PLCB1: variants seen among roughly 807,000 people sequenced by gnomAD.
The protein encoded by PLCB1 is 1-phosphatidylinositol 4,5-bisphosphate phosphodiesterase beta-1.
A neutral mutation model predicts 161.8 loss-of-function variants in PLCB1; 46 were observed. The observed-to-expected ratio is 0.28, with a 90% CI of 0.22 to 0.36. The LOEUF (loss-of-function observed/expected upper bound fraction) is 0.36, where lower values mean the gene tolerates loss of function less well. Ranked by LOEUF, PLCB1 falls within the 10% of genes least tolerant of loss-of-function variation. PLCB1 has a pLI of 1.00. For synonymous variants in PLCB1, 517 were observed against 503.7 expected (o/e 1.03, Z -0.35); for missense variants, 1,016 against 1,472.5 (o/e 0.69, Z 5.07).
chr20:8,146,588 A>C (rs1568569403), intron 1 of PLCB1, among the ~76,000 whole-genome samples: 1 of 152,184 alleles, frequency 6.6e-6, no homozygotes, highest in Non-Finnish European at 1.5e-5. Context: ...TTTAGTATTT[A>C]TTATTGACTT....
intron 26 of PLCB1, among the ~76,000 whole-genome samples, chr20:8,767,662 C>T (rs1329748316): frequency 6.6e-6 from 1 of 152,116 alleles, no homozygotes; most frequent in Non-Finnish European, 1.5e-5. Context: ...CATAGCTTAT[C>T]ATGGGACTTT....
chr20:8,577,363 G>A lies in PLCB1; in HGVS notation c.247-50931G>A, dbSNP rs535972530. Among the ~76,000 whole-genome samples, 453 of 150,946 alleles carry A rather than the reference G, an allele frequency of 3.0e-3. 3 individuals carry two copies. The highest frequency in any genetic ancestry group is 9.7e-3 in the African/African-American group (398 of 41,090). On this transcript the variant is annotated intron_variant, in intron 3 of 31. Coordinates refer to ENST00000338037, the MANE Select transcript of PLCB1 (RefSeq NM_015192.4). ...TGAGGCAGGAGAATGGCGTGAACCC[G>A]GGAGGCGGAGCTTGCAGTGAGCCGA...
chr20:8,136,537 A>G (rs1420384630), intron 1 of PLCB1, among the ~76,000 whole-genome samples: 3 of 151,976 alleles, frequency 2.0e-5, no homozygotes, highest in South Asian at 2.1e-4. Flanking sequence ...GAGGCAGGAG[A>G]ATGGCGTGAA....
At chr20:8,667,862 GCTT>G (rs1989851105) in intron 9 of PLCB1, among the ~76,000 whole-genome samples, 1 of 152,226 alleles carries the variant, frequency 6.6e-6, no homozygotes, top group South Asian at 2.1e-4. Flanking sequence ...GCAGAGAATG[GCTT>G]CTTTCCCCCT....
At chr20:8,219,674 A>G (rs1979307744) in intron 2 of PLCB1, among the ~76,000 whole-genome samples, 1 of 152,114 alleles carries the variant, frequency 6.6e-6, no homozygotes, top group South Asian at 2.1e-4. Context: ...AACAGCTCGG[A>G]TTTATGTCCA....
chr20:8,144,956 G>T (rs2051439349), intron 1 of PLCB1, among the ~76,000 whole-genome samples: 1 of 152,192 alleles, frequency 6.6e-6, no homozygotes, highest in African/African-American at 2.4e-5. Flanking sequence ...CCTTGGCCAG[G>T]AGACTTTCTG....
At chr20:8,147,079 G>A (rs911078801) in intron 1 of PLCB1, among the ~76,000 whole-genome samples, 1 of 152,120 alleles carries the variant, frequency 6.6e-6, no homozygotes, top group Non-Finnish European at 1.5e-5. Flanking sequence ...TCCTATTCCT[G>A]ACCCAAAGCC....
rs189340423 is a variant in PLCB1, at chr20:8,381,594, G to C, written c.246+10144G>C. Among the ~76,000 whole-genome samples, 322 of 152,250 alleles carry C rather than the reference G, an allele frequency of 2.1e-3. 2 individuals are homozygous for C. Among genetic ancestry groups the C allele is most frequent in the Non-Finnish European group, 3.0e-3 (201 of 68,018 alleles). On this transcript the variant is annotated intron_variant, in intron 3 of 31. Coordinates refer to ENST00000338037, the MANE Select transcript of PLCB1 (RefSeq NM_015192.4). ...ATGCTGTGCTTTTTTTGGTTGGTAG[G>C]CTATTAATTACTGCCTCAATTTCAG...
chr20:8,331,345 T>G (rs1985355896), intron 2 of PLCB1, among the ~76,000 whole-genome samples: 1 of 149,202 alleles, frequency 6.7e-6, no homozygotes, highest in South Asian at 2.1e-4. Context: ...TCAATACGTG[T>G]GAAGTTTTTT....
intron 3 of PLCB1, among the ~76,000 whole-genome samples, chr20:8,490,160 C>G (rs969176376): frequency 1.3e-5 from 2 of 152,152 alleles, no homozygotes; most frequent in African/African-American, 4.8e-5. Context: ...TCCTTCATAT[C>G]CCAACACTGT....
At chr20:8,798,598 C>CG (rs1568603982) in intron 31 of PLCB1, among the ~76,000 whole-genome samples, 6 of 152,024 alleles carry the variant, frequency 3.9e-5, no homozygotes, top group African/African-American at 7.2e-5. Flanking sequence ...ACACACACCC[C>CG]TGGCCCAGGA....
intron 3 of PLCB1, among the ~76,000 whole-genome samples, chr20:8,603,323 A>G (rs1987654138): frequency 1.3e-5 from 2 of 152,186 alleles, no homozygotes; most frequent in Non-Finnish European, 1.5e-5. Context: ...GCTAAGTTCA[A>G]TGTTTAAGGT....
intron 3 of PLCB1, among the ~76,000 whole-genome samples, chr20:8,557,020 T>TAAAATAAATA (rs1985984559): frequency 6.9e-6 from 1 of 145,272 alleles, no homozygotes; most frequent in Non-Finnish European, 1.5e-5. Flanking sequence ...ATAAAATAAA[T>TAAAATAAATA]AAAAAAAATA....
At chr20:8,389,185 G>T (rs1025417232) in intron 3 of PLCB1, among the ~76,000 whole-genome samples, 2 of 152,282 alleles carry the variant, frequency 1.3e-5, no homozygotes, top group East Asian at 3.9e-4. Flanking sequence ...TTGAGAAGAG[G>T]TTGGTGTATC....
At chr20:8,192,355 G>A (rs1057076554) in intron 2 of PLCB1, among the ~76,000 whole-genome samples, 2 of 151,880 alleles carry the variant, frequency 1.3e-5, no homozygotes, top group African/African-American at 4.8e-5. Context: ...TATTCACTAG[G>A]TGAACTGCAG....
At chr20:8,260,229 C>T (rs1981624753) in intron 2 of PLCB1, among the ~76,000 whole-genome samples, 1 of 151,224 alleles carries the variant, frequency 6.6e-6, no homozygotes, top group South Asian at 2.1e-4. Context: ...TACAGGCACA[C>T]ACCGTAGCAC....
At chr20:8,516,364 C>T (rs1377337234) in intron 3 of PLCB1, among the ~76,000 whole-genome samples, 3 of 152,102 alleles carry the variant, frequency 2.0e-5, no homozygotes, top group Non-Finnish European at 4.4e-5. Flanking sequence ...TTAAGCTCAA[C>T]TTGTGTTAAT....
chr20:8,587,790 A>G (rs983108477), intron 3 of PLCB1, among the ~76,000 whole-genome samples: 2 of 152,226 alleles, frequency 1.3e-5, no homozygotes, highest in African/African-American at 4.8e-5. Context: ...CAAGTAGCAT[A>G]TGAGGTAAGG....
intron 25 of PLCB1, among the ~76,000 whole-genome samples, chr20:8,763,089 C>G (rs2123579758): frequency 6.6e-6 from 1 of 152,298 alleles, no homozygotes; most frequent in East Asian, 1.9e-4. Context: ...AAGAAAAGCA[C>G]TGACCAACCA....
Sources: allele counts gnomAD v4.1 joint callset (sites outside exome capture counted in the v4.1 genomes callset), GRCh38; gene constraint gnomAD v4.1.1; transcripts MANE v1.5; gene names NCBI Gene and HGNC (gene_info 2026-07-23, HGNC 2026-07-21).